RIT2: variants seen among roughly 807,000 people sequenced by gnomAD.
RIT2 encodes the protein Ras like without CAAX 2, also known as GTP-binding protein Rit2.
A neutral mutation model predicts 23.7 loss-of-function variants in RIT2; 24 were observed. That is an observed-to-expected ratio of 1.01 (90% CI 0.73 to 1.43). RIT2 has a LOEUF of 1.43. Ranked by LOEUF, RIT2 falls within the 40% of genes most tolerant of loss-of-function variation. The probability of loss-of-function intolerance (pLI) is 0.00; values close to 1 mark genes in which losing one functional copy is unlikely to be tolerated. For missense variants in RIT2, 236 were observed against 266.9 expected, an observed-to-expected ratio of 0.88 and a Z score of 0.81; for synonymous variants, 107 against 91.1, an observed-to-expected ratio of 1.17 and a Z score of -0.99.
At chr18:42,870,725 G>C (rs1427244725) in intron 4 of RIT2, among the ~76,000 whole-genome samples, 1 of 151,990 alleles carries the variant, frequency 6.6e-6, no homozygotes, top group Non-Finnish European at 1.5e-5. Flanking sequence ...CATGTGAAAG[G>C]TTTCCTATAA....
intron 4 of RIT2, among the ~76,000 whole-genome samples, chr18:42,854,359 T>C (rs1312659024): frequency 6.6e-6 from 1 of 152,190 alleles, no homozygotes; most frequent in Non-Finnish European, 1.5e-5. Flanking sequence ...TTTAAGATAG[T>C]AAGCTTATAA....
intron 3 of RIT2, among the ~76,000 whole-genome samples, chr18:42,955,208 T>C (rs1343533630): frequency 6.6e-6 from 1 of 152,214 alleles, no homozygotes; most frequent in Non-Finnish European, 1.5e-5. Context: ...AATTGTTCAA[T>C]AATACTACTG....
At chr18:42,907,531 CAT>C (rs748000445) in intron 4 of RIT2, among the ~76,000 whole-genome samples, 2 of 152,120 alleles carry the variant, frequency 1.3e-5, no homozygotes, top group Non-Finnish European at 2.9e-5. Flanking sequence ...AAACAGAAAA[CAT>C]AAATAGGATT....
intron 4 of RIT2, among the ~76,000 whole-genome samples, chr18:42,894,076 T>C (rs989774991): frequency 6.6e-6 from 1 of 152,198 alleles, no homozygotes; most frequent in Non-Finnish European, 1.5e-5. Flanking sequence ...CTGATGGCGC[T>C]CAGCAGAAAG....
chr18:42,816,214 C>T (rs1233834999), intron 4 of RIT2, among the ~76,000 whole-genome samples: 1 of 151,706 alleles, frequency 6.6e-6, no homozygotes, highest in Admixed American at 6.6e-5. Flanking sequence ...TGATTTCAAA[C>T]TGCTGATTTC....
chr18:43,038,018 C>T (rs937151193), intron 1 of RIT2, among the ~76,000 whole-genome samples: 2 of 151,880 alleles, frequency 1.3e-5, no homozygotes, highest in Admixed American at 1.3e-4. Context: ...TCCTGGCTAA[C>T]ATGGTGAAAC....
intron 3 of RIT2, among the ~76,000 whole-genome samples, chr18:42,933,891 G>A (rs1909388676): frequency 1.3e-5 from 2 of 151,958 alleles, no homozygotes; most frequent in African/African-American, 4.8e-5. Flanking sequence ...GGTGATGCAT[G>A]CCTGTAATCC....
intron 4 of RIT2, among the ~76,000 whole-genome samples, chr18:42,767,104 A>C (rs1450397709): frequency 6.6e-6 from 1 of 152,184 alleles, no homozygotes; most frequent in Non-Finnish European, 1.5e-5. Flanking sequence ...CAGAGTCCCT[A>C]CTGGGGCACT....
intron 2 of RIT2, among the ~76,000 whole-genome samples, chr18:42,996,157 A>G (rs1366107584): frequency 6.6e-6 from 1 of 152,094 alleles, no homozygotes; most frequent in Non-Finnish European, 1.5e-5. Context: ...CCAGGCCATC[A>G]TCAATAATTC....
chr18:42,913,195 GC>G (rs1908815415), intron 4 of RIT2, among the ~76,000 whole-genome samples: 1 of 129,338 alleles, frequency 7.7e-6, no homozygotes, highest in African/African-American at 3.2e-5. Flanking sequence ...CCATCCATCA[GC>G]CAAAAAAAAA....
At chr18:43,004,805 T>C (rs1182705312) in intron 2 of RIT2, among the ~76,000 whole-genome samples, 1 of 151,904 alleles carries the variant, frequency 6.6e-6, no homozygotes, top group African/African-American at 2.4e-5. Context: ...GTGCTTCTTA[T>C]TGTAATTATT....
intron 4 of RIT2, among the ~76,000 whole-genome samples, chr18:42,844,286 C>A (rs1474823416): frequency 6.6e-6 from 1 of 152,314 alleles, no homozygotes; most frequent in African/African-American, 2.4e-5. Context: ...TGCCTTGTCA[C>A]ATGGGGCAGC....
At chr18:42,942,382 T>G (rs1195841570) in intron 3 of RIT2, among the ~76,000 whole-genome samples, 2 of 152,136 alleles carry the variant, frequency 1.3e-5, no homozygotes, top group Admixed American at 1.3e-4. Context: ...CTCTCTCCAC[T>G]CAGGAGTCCA....
At chr18:42,971,244 ACAACTGTATAGACCACC>A (rs1296529350) in intron 3 of RIT2, among the ~76,000 whole-genome samples, 1 of 152,042 alleles carries the variant, frequency 6.6e-6, no homozygotes, top group East Asian at 1.9e-4. Flanking sequence ...TTCTGTTAAA[ACAACTGTATAGACCACC>A]TCCTGAATGG....
chr18:43,079,809 G>A (rs1382785207), intron 1 of RIT2, among the ~76,000 whole-genome samples: 1 of 152,106 alleles, frequency 6.6e-6, no homozygotes, highest in East Asian at 1.9e-4. Flanking sequence ...GTCATGATTG[G>A]ACTTCTCCCC....
intron 4 of RIT2, among the ~76,000 whole-genome samples, chr18:42,786,525 C>T (rs1038542427): frequency 6.6e-6 from 1 of 152,072 alleles, no homozygotes; most frequent in Non-Finnish European, 1.5e-5. Flanking sequence ...TACTGAAATA[C>T]AAATGTATAC....
chr18:42,764,459 A>G (rs1290694000), intron 4 of RIT2, among the ~76,000 whole-genome samples: 1 of 152,160 alleles, frequency 6.6e-6, no homozygotes, highest in Non-Finnish European at 1.5e-5. Flanking sequence ...GCTACGTAAA[A>G]GTACTTGCAT....
intron 2 of RIT2, among the ~76,000 whole-genome samples, chr18:42,983,240 C>A (rs1910636506): frequency 6.6e-6 from 1 of 151,948 alleles, no homozygotes; most frequent in African/African-American, 2.4e-5. Flanking sequence ...GACCAAGGCA[C>A]AAAAGCAATT....
In RIT2 at chr18:43,011,328, G is replaced by T. The variant is rs114611411; in HGVS notation, c.160+22483C>A. Among the ~76,000 whole-genome samples, 698 of 151,806 alleles carry T rather than the reference G, an allele frequency of 4.6e-3. 6 individuals carry two copies. The highest frequency in any genetic ancestry group is 0.016 in the African/African-American group (677 of 41,470). ...AGGAGCTGCATCATGCAACCAAAGG[G>T]GCCAGCTGTGTTACTCTAAGTGCAA... On this transcript the variant is annotated intron_variant, in intron 2 of 4. Transcript: ENST00000326695.
Sources: allele counts gnomAD v4.1 joint callset (sites outside exome capture counted in the v4.1 genomes callset), GRCh38; gene constraint gnomAD v4.1.1; transcripts MANE v1.5; gene names NCBI Gene and HGNC (gene_info 2026-07-23, HGNC 2026-07-21).